PDE8B: variants seen among roughly 807,000 people sequenced by gnomAD.
PDE8B encodes high affinity cAMP-specific and IBMX-insensitive 3',5'-cyclic phosphodiesterase 8B.
A neutral mutation model predicts 101.3 loss-of-function variants in PDE8B; 26 were observed. The ratio of observed to expected loss-of-function variants is 0.26; its 90% CI spans 0.19 to 0.36. The LOEUF is 0.36. Ranked by LOEUF, PDE8B falls within the 10% of genes least tolerant of loss-of-function variation. PDE8B has a pLI of 1.00. For missense variants in PDE8B, 810 were observed against 1,163.1 expected (o/e 0.70, Z 4.42); for synonymous variants, 424 against 429.3 (o/e 0.99, Z 0.15).
chr5:77,158,561 G>A, the PDE8B span, among the ~76,000 whole-genome samples: 5,755 of 152,318 alleles, frequency 0.038, 181 homozygotes, highest in African/African-American at 0.078. Context: ...ATAAACTGGA[G>A]AAGGACATCT....
chr5:77,304,045 C>T (rs981590174), intron 1 of PDE8B, among the ~76,000 whole-genome samples: 2 of 152,130 alleles, frequency 1.3e-5, no homozygotes, highest in Non-Finnish European at 2.9e-5. Context: ...CCTAGAGATA[C>T]ACTCATATAG....
chr5:77,367,847 C>G (rs922795909), intron 10 of PDE8B, among the ~76,000 whole-genome samples: 10 of 152,140 alleles, frequency 6.6e-5, no homozygotes, highest in African/African-American at 9.7e-5. Flanking sequence ...CTACCGTTTT[C>G]TAAGGCTTCC....
chr5:77,379,255 C>CT (rs1463382891), intron 10 of PDE8B, among the ~76,000 whole-genome samples: 10 of 152,142 alleles, frequency 6.6e-5, no homozygotes, highest in Non-Finnish European at 4.4e-5. Flanking sequence ...GAAAATATAT[C>CT]TAACAGCAGA....
At chr5:77,301,108 G>C (rs1769826353) in intron 1 of PDE8B, among the ~76,000 whole-genome samples, 2 of 152,332 alleles carry the variant, frequency 1.3e-5, no homozygotes, top group East Asian at 3.9e-4. Flanking sequence ...CCAGAGTCGG[G>C]AAAGTGAGTG....
rs1758569665 is a variant in PDE8B, at chr5:77,253,840, C to T, written c.339+42576C>T. Among the ~76,000 whole-genome samples, 6 of 151,978 alleles carry T rather than the reference C, an allele frequency of 3.9e-5. No homozygotes were observed. In the South Asian group the frequency reaches 1.0e-3, roughly 26 times the overall value. On this transcript the variant is annotated intron_variant, in intron 1 of 21. Coordinates refer to ENST00000264917, the MANE Select transcript of PDE8B (RefSeq NM_003719.5). ...CTCTTAGTTAAATTGATATATCTAG[C>T]TCCTAAGTTGATTGATTCAATACAA...
intron 1 of PDE8B, among the ~76,000 whole-genome samples, chr5:77,239,299 G>A (rs1352915443): frequency 1.3e-5 from 2 of 152,180 alleles, no homozygotes; most frequent in African/African-American, 4.8e-5. Context: ...CCTTTTCAAT[G>A]CTCTTTGAAT....
At chr5:77,176,200 T>C in the PDE8B span, among the ~76,000 whole-genome samples, 1 of 152,092 alleles carries the variant, frequency 6.6e-6, no homozygotes, top group Non-Finnish European at 1.5e-5. Flanking sequence ...GCCACCTCAC[T>C]CCCACTCGTA....
At chr5:77,207,418 C>T (rs1426266509), upstream of PDE8B, among the ~76,000 whole-genome samples, 3 of 152,222 alleles carry the variant, frequency 2.0e-5, no homozygotes, top group Admixed American at 6.5e-5. Flanking sequence ...ACAAGCCATT[C>T]AGGTGACCCT....
chr5:77,233,131 G>A (rs1038955774), intron 1 of PDE8B, among the ~76,000 whole-genome samples: 4 of 151,966 alleles, frequency 2.6e-5, no homozygotes, highest in Non-Finnish European at 5.9e-5. Context: ...TAAGTAAAGA[G>A]GAAGGCGCTG....
chr5:77,118,243 A>T, the PDE8B span: 152 of 395,854 alleles, frequency 3.8e-4, no homozygotes, highest in African/African-American at 2.9e-3. Flanking sequence ...CACCACGCCT[A>T]GCCTAAGGTT....
the PDE8B span, chr5:77,112,705 T>A: frequency 6.6e-6 from 1 of 152,200 alleles, no homozygotes; most frequent in African/African-American, 2.4e-5. Flanking sequence ...GTGTATTCAA[T>A]TGGAAAAGAG....
At chr5:77,191,536 G>A in the PDE8B span, among the ~76,000 whole-genome samples, 4 of 152,028 alleles carry the variant, frequency 2.6e-5, no homozygotes, top group East Asian at 1.9e-4. Flanking sequence ...TGTATTTTTA[G>A]TAGAGACGGG....
intron 1 of PDE8B, among the ~76,000 whole-genome samples, chr5:77,265,343 C>T (rs1353257948): frequency 2.0e-5 from 3 of 152,160 alleles, no homozygotes; most frequent in African/African-American, 7.2e-5. Context: ...GGAAATTATA[C>T]ATCAAAATGT....
the PDE8B span, chr5:77,147,312 C>A: frequency 5.2e-6 from 1 of 193,094 alleles, no homozygotes; most frequent in Non-Finnish European, 1.1e-5. Flanking sequence ...AGTTAACACA[C>A]TACTGAATGT....
At chr5:77,385,999 G>A (rs1788524684) in intron 10 of PDE8B, among the ~76,000 whole-genome samples, 1 of 152,062 alleles carries the variant, frequency 6.6e-6, no homozygotes, top group Non-Finnish European at 1.5e-5. Flanking sequence ...ATGTTGGCCA[G>A]GCTTGTCTCA....
chr5:77,331,306 T>C, intron 4 of PDE8B, 96 bp from the exon 5 acceptor site: 1 of 1,083,182 alleles, frequency 9.2e-7, no homozygotes, highest in Non-Finnish European at 1.4e-6. Context: ...CTCTTGGAGC[T>C]AACGCTGTGT....
chr5:77,268,180 C>T (rs542625659), intron 1 of PDE8B, among the ~76,000 whole-genome samples: 4 of 151,922 alleles, frequency 2.6e-5, no homozygotes, highest in Non-Finnish European at 5.9e-5. Context: ...TCATTTCCTC[C>T]CATGTTCCTC....
At chr5:77,342,500 TA>T (rs1561553498) in intron 6 of PDE8B, among the ~76,000 whole-genome samples, 1 of 148,512 alleles carries the variant, frequency 6.7e-6, no homozygotes, top group African/African-American at 2.4e-5. Context: ...TGGAAAAAAA[TA>T]ACATTTTTCA....
intron 2 of PDE8B, among the ~76,000 whole-genome samples, chr5:77,318,177 A>G (rs1054286690): frequency 2.9e-4 from 44 of 152,030 alleles, no homozygotes; most frequent in African/African-American, 1.0e-3. Context: ...TGGAGATCAC[A>G]TGGCCTCATA....
Sources: allele counts gnomAD v4.1 joint callset (sites outside exome capture counted in the v4.1 genomes callset), GRCh38; gene constraint gnomAD v4.1.1; transcripts MANE v1.5; gene names NCBI Gene and HGNC (gene_info 2026-07-23, HGNC 2026-07-21).